Variants in PUDP observed in about 807,000 individuals in gnomAD.
The protein encoded by PUDP is pseudouridine 5'-phosphatase.
Under a neutral mutation model 9.4 loss-of-function variants are expected in PUDP, and 8 were observed. That is an observed-to-expected ratio of 0.85 (90% confidence interval 0.50 to 1.53). The LOEUF (loss-of-function observed/expected upper bound fraction) is 1.53. Ranked by LOEUF, PUDP falls within the 40% of genes most tolerant of loss-of-function variation. PUDP has a pLI of 0.00. For synonymous variants in PUDP, 99 were observed against 80.7 expected (o/e 1.23, Z -1.22); for missense variants, 188 against 189.7 (o/e 0.99, Z 0.05).
At chrX:6,803,087 T>A (rs1415451387) in intron 3 of PUDP, among the ~76,000 whole-genome samples, 1 of 85,981 alleles carries the variant, frequency 1.2e-5, no homozygotes, top group Non-Finnish European at 2.3e-5. Flanking sequence ...TAAAATAAAA[T>A]AAAATAAAAT....
intron 3 of PUDP, among the ~76,000 whole-genome samples, chrX:6,923,857 C>T (rs1257651226): frequency 9.0e-6 from 1 of 111,512 alleles, no homozygotes; most frequent in Non-Finnish European, 1.9e-5. Context: ...AGGTCATGCA[C>T]CATCTGGTCC....
At chrX:6,747,703 G>T (rs997749320) in intron 3 of PUDP, among the ~76,000 whole-genome samples, 1 of 111,852 alleles carries the variant, frequency 8.9e-6, no homozygotes, top group African/African-American at 3.2e-5. Context: ...ATTCAAAATC[G>T]CAAAGCACCA....
intron 2 of PUDP, among the ~76,000 whole-genome samples, chrX:7,087,954 C>T (rs1440448767): frequency 9.0e-6 from 1 of 111,590 alleles, no homozygotes; most frequent in Non-Finnish European, 1.9e-5. Context: ...TCTAGAATCT[C>T]GTTATCAGTA....
At chrX:6,825,637 C>T (rs1049217948) in intron 3 of PUDP, among the ~76,000 whole-genome samples, 19 of 110,799 alleles carry the variant, frequency 1.7e-4, no homozygotes, top group Non-Finnish European at 3.6e-4. Context: ...CCACAGGAAG[C>T]TGAGTGTGGG....
At chrX:7,082,872 G>A (rs749531152) in intron 2 of PUDP, among the ~76,000 whole-genome samples, 26 of 112,832 alleles carry the variant, frequency 2.3e-4, no homozygotes, top group African/African-American at 8.4e-4. Context: ...TGAGAGCAGT[G>A]GGTTGAACGG....
At chrX:6,960,432 G>A (rs971468754) in intron 3 of PUDP, among the ~76,000 whole-genome samples, 5 of 111,687 alleles carry the variant, frequency 4.5e-5, no homozygotes, top group Non-Finnish European at 9.4e-5. Flanking sequence ...GTAACTTACT[G>A]CTCTTGCTCT....
intron 3 of PUDP, 119 bp from the exon 4 acceptor site, chrX:7,050,591 T>C: frequency 1.6e-6 from 1 of 643,855 alleles, no homozygotes; most frequent in Non-Finnish European, 2.4e-6. Flanking sequence ...AGAATTACAG[T>C]GGGGGCTCCC....
intron 3 of PUDP, among the ~76,000 whole-genome samples, chrX:6,829,420 A>C (rs1341921976): frequency 8.9e-6 from 1 of 111,806 alleles, no homozygotes; most frequent in Non-Finnish European, 1.9e-5. Context: ...GAGTATATTT[A>C]TTTTTAAAAG....
chrX:6,997,602 A>T (rs1929268485), intron 1 of PUDP, among the ~76,000 whole-genome samples: 1 of 112,332 alleles, frequency 8.9e-6, no homozygotes, highest in East Asian at 2.8e-4. Flanking sequence ...GCAGATTTCC[A>T]TCTAGAAAAC....
rs139786562 is a variant in PUDP at position 6,926,568 on chromosome X, C to A, written c.*247+50565G>T. Among the ~76,000 whole-genome samples, 368 of 112,009 alleles carry A rather than the reference C, an allele frequency of 3.3e-3. 2 individuals carry two copies. The highest frequency in any genetic ancestry group is 0.012 in the African/African-American group (360 of 30,664). On this transcript the variant is annotated intron_variant and NMD_transcript_variant, in intron 3 of 3. Transcript: ENST00000655425. Reference sequence around the variant, plus strand: ...AAAATGAGGCAGCTCCGCACTAATTCAGTTTAATTAATGCCATCCTGTTCT... The same window carrying A: ...AAAATGAGGCAGCTCCGCACTAATTAAGTTTAATTAATGCCATCCTGTTCT...
rs201823586 is a variant in PUDP, at chrX:7,105,661, G to C, written c.239C>G (p.Thr80Arg). Reference protein sequence around the residue: ...SKEELVEESQTKLKEVFPTAA... With the variant: ...SKEELVEESQRKLKEVFPTAA... ...CGTGGGGAACACTTCCTTTAACTTC[G>C]TTTGGCTTTCTTCCACCAGCTCCTC... The change falls in exon 2 of 4, where the codon ACG becomes AGG. Residue 80 changes from threonine to arginine, a missense_variant. Thr to Arg is a moderately conservative substitution (Grantham distance 71). Coordinates refer to ENST00000381077, the MANE Select transcript of PUDP (RefSeq NM_012080.5). The C allele has an allele frequency of 2.5e-6, 3 of 1,209,819 alleles. No homozygotes were observed. The highest frequency in any genetic ancestry group is 2.2e-6 in the Non-Finnish European group (2 of 894,746).
intron 3 of PUDP, among the ~76,000 whole-genome samples, chrX:6,769,852 G>T (rs915634980): frequency 2.7e-5 from 3 of 111,860 alleles, no homozygotes; most frequent in African/African-American, 9.7e-5. Flanking sequence ...TTAATATAAA[G>T]AAACTGTTTA....
intron 1 of PUDP, among the ~76,000 whole-genome samples, chrX:7,027,019 A>G (rs1929720520): frequency 9.1e-6 from 1 of 109,565 alleles, no homozygotes; most frequent in Admixed American, 9.6e-5. Flanking sequence ...TATCCCGCCA[A>G]TGCTCACCAG....
intron 3 of PUDP, among the ~76,000 whole-genome samples, chrX:6,949,797 T>C (rs1356084347): frequency 8.9e-6 from 1 of 112,177 alleles, no homozygotes; most frequent in Non-Finnish European, 1.9e-5. Context: ...CCACTAAGTA[T>C]CTTCTTCTGG....
chrX:7,069,575 G>A (rs1162144298), intron 3 of PUDP, among the ~76,000 whole-genome samples: 1 of 110,763 alleles, frequency 9.0e-6, no homozygotes, highest in Non-Finnish European at 1.9e-5. Flanking sequence ...GGGAGAAGCA[G>A]ATGGGGCCTC....
chrX:6,852,473 C>A (rs1926840387), intron 3 of PUDP, among the ~76,000 whole-genome samples: 1 of 111,594 alleles, frequency 9.0e-6, no homozygotes, highest in South Asian at 3.8e-4. Flanking sequence ...AAGGACAAAG[C>A]CATCCAGCTC....
chrX:7,071,122 T>G (rs1277378782), intron 3 of PUDP, among the ~76,000 whole-genome samples: 1 of 111,952 alleles, frequency 8.9e-6, no homozygotes, highest in Non-Finnish European at 1.9e-5. Flanking sequence ...TACATCTTTT[T>G]TTCAGTTTTT....
At chrX:7,030,331 CG>C (rs1255415994) in intron 1 of PUDP, among the ~76,000 whole-genome samples, 1 of 110,947 alleles carries the variant, frequency 9.0e-6, no homozygotes, top group Non-Finnish European at 1.9e-5. Context: ...CCACATCTCT[CG>C]GGGAATGTTT....
intron 1 of PUDP, among the ~76,000 whole-genome samples, chrX:7,036,139 C>T (rs1449348815): frequency 8.9e-6 from 1 of 111,998 alleles, no homozygotes; most frequent in Non-Finnish European, 1.9e-5. Context: ...CAAATCATCC[C>T]TTTTCCTTTA....
Sources: allele counts gnomAD v4.1 joint callset (sites outside exome capture counted in the v4.1 genomes callset), GRCh38; gene constraint gnomAD v4.1.1; transcripts MANE v1.5; gene names NCBI Gene and HGNC (gene_info 2026-07-23, HGNC 2026-07-21).